Variants in CA5A observed in about 807,000 individuals in gnomAD.
The protein encoded by CA5A is carbonic anhydrase 5A, mitochondrial.
CA5A carries 28 observed loss-of-function variants against 37.1 expected under a neutral mutation model. That is an observed-to-expected ratio of 0.75 (90% CI 0.56 to 1.03). CA5A has a LOEUF of 1.03. Among genes scored for constraint, CA5A ranks in the 50% least tolerant of loss-of-function variants. The probability of loss-of-function intolerance (pLI) is 0.00; values close to 1 mark genes in which losing one functional copy is unlikely to be tolerated. For missense variants in CA5A, 444 were observed against 399.9 expected (o/e 1.11, Z -0.94); for synonymous variants, 171 against 158.4 (o/e 1.08, Z -0.60).
chr16:87,918,883 A>C (rs1483002277), intron 2 of CA5A, among the ~76,000 whole-genome samples: 1 of 152,230 alleles, frequency 6.6e-6, no homozygotes, highest in African/African-American at 2.4e-5. Context: ...GAGAACCTGG[A>C]AAAATGGGCT....
intron 2 of CA5A, among the ~76,000 whole-genome samples, chr16:87,920,994 T>C (rs2056222517): frequency 6.6e-6 from 1 of 151,936 alleles, no homozygotes; most frequent in Non-Finnish European, 1.5e-5. Flanking sequence ...GGTTTCTCCA[T>C]GTTGGTCAGG....
chr16:87,928,568 T>G (rs188982578), intron 1 of CA5A, among the ~76,000 whole-genome samples: 1,538 of 152,238 alleles, frequency 0.01, 21 homozygotes, highest in Non-Finnish European at 0.016. Context: ...GAACTCATTT[T>G]GTGAAAAAAA....
chr16:87,908,793 T>C (rs1291965173), intron 2 of CA5A, among the ~76,000 whole-genome samples: 1 of 151,736 alleles, frequency 6.6e-6, no homozygotes, highest in Non-Finnish European at 1.5e-5. Context: ...TGTCCCAGAA[T>C]TCTTCTTCTC....
rs1239654008 is a variant in CA5A, at chr16:87,932,125, A to AG, written c.142+4183_142+4184insC. ...GGCAGACTCCGTCTAAGAAAAAAAAAAGCCCCTTTGAGGCCTCACAAATCT... is the reference window on the plus strand; with the variant it reads ...GGCAGACTCCGTCTAAGAAAAAAAAAGAGCCCCTTTGAGGCCTCACAAATCT... On this transcript the variant is annotated intron_variant, in intron 1 of 6. Coordinates refer to ENST00000649794, the MANE Select transcript of CA5A (RefSeq NM_001739.2). 3.3e-5 allele frequency among the ~76,000 whole-genome samples: 5 copies of AG among 152,078 alleles called. No homozygotes were observed. In the East Asian group the frequency reaches 7.7e-4, roughly 23 times the overall value.
chr16:87,889,854 G>A (rs72816315), intron 6 of CA5A, among the ~76,000 whole-genome samples: 25,017 of 152,262 alleles, frequency 0.16, 2,278 homozygotes, highest in South Asian at 0.27. Context: ...TATGAACCCT[G>A]TGAGGCAACT....
At chr16:87,925,324 C>T (rs931135358) in intron 2 of CA5A, among the ~76,000 whole-genome samples, 24 of 152,142 alleles carry the variant, frequency 1.6e-4, no homozygotes, top group African/African-American at 5.6e-4. Context: ...CTGGGCTGTC[C>T]GGAGGGCCCC....
At chr16:87,881,687 G>T (rs1446352665) in exon 5 of CA5A, 1 of 152,012 alleles carries the variant, frequency 6.6e-6, no homozygotes, top group Non-Finnish European at 1.5e-5. Context: ...AGCCCTTCCC[G>T]CAGAGCCGCA....
intron 2 of CA5A, among the ~76,000 whole-genome samples, chr16:87,915,159 G>A (rs777817407): frequency 3.9e-5 from 6 of 152,204 alleles, no homozygotes; most frequent in South Asian, 2.1e-4. Flanking sequence ...GCCTTTGATC[G>A]CATTTATCAC....
At chr16:87,912,166 G>A (rs1434093254) in intron 2 of CA5A, among the ~76,000 whole-genome samples, 1 of 152,144 alleles carries the variant, frequency 6.6e-6, no homozygotes, top group Non-Finnish European at 1.5e-5. Flanking sequence ...GCTGGGCGTG[G>A]TGGCACGCGA....
intron 1 of CA5A, 22 bp from the exon 2 acceptor site, chr16:87,926,967 C>T: frequency 6.7e-7 from 1 of 1,492,298 alleles, no homozygotes; most frequent in Non-Finnish European, 9.1e-7. Context: ...GAGACGGAGA[C>T]CCTGAGTGAG....
rs1282432059 is a variant in CA5A at position 87,902,476 on chromosome 16, CT to C, written c.503del (p.Lys168ArgfsTer12). 1 of 1,612,320 alleles carries C rather than the reference CT, an allele frequency of 6.2e-7. No individual in the cohort carries two copies. The highest frequency in any genetic ancestry group is 1.7e-5 in the Admixed American group (1 of 59,974). On this transcript the variant is annotated frameshift_variant, in exon 4 of 7. Coordinates refer to ENST00000649794, the MANE Select transcript of CA5A (RefSeq NM_001739.2). LOFTEE classifies it high-confidence loss of function. ...AACCATTCTCTCCCACGACAGCTTC[CT>C]TGTAATTTTGGTATTTCACAGAATT... ...HWNSVKYQNY[K>X]EAVVGENGLA...
At chr16:87,928,756 C>CTT (rs2056351904) in intron 1 of CA5A, among the ~76,000 whole-genome samples, 2 of 108,150 alleles carry the variant, frequency 1.8e-5, no homozygotes, top group African/African-American at 7.1e-5. Context: ...ATTTTCTTTT[C>CTT]TTTGTTTTTT....
chr16:87,892,529 A>G (rs2055733046), intron 5 of CA5A, among the ~76,000 whole-genome samples: 1 of 102,778 alleles, frequency 9.7e-6, no homozygotes. Context: ...TAATAATAAT[A>G]ATAATAATAA....
intron 2 of CA5A, among the ~76,000 whole-genome samples, 190 bp from the exon 3 acceptor site, chr16:87,905,094 C>G (rs8051832): frequency 0.35 from 52,468 of 151,662 alleles, 10,070 homozygotes; most frequent in African/African-American, 0.53. Context: ...TCTGCCCCCC[C>G]CCAGCCCAGC....
chr16:87,896,703 C>T (rs1267406529), intron 5 of CA5A, among the ~76,000 whole-genome samples: 1 of 152,190 alleles, frequency 6.6e-6, no homozygotes, highest in Admixed American at 6.5e-5. Flanking sequence ...TGCAATGGCA[C>T]GATCTCGGCT....
Position 87,888,020 on chromosome 16 carries a change from A to T in CA5A, c.*109T>A, listed in dbSNP as rs916819253. 16 of 1,467,252 alleles carry T rather than the reference A, an allele frequency of 1.1e-5. No individual in the cohort carries two copies. The East Asian group carries it at 3.2e-4, about 30-fold the overall frequency. The allele number at this position is 1,467,252 out of a possible 1,614,324, so 90.9% of individuals were successfully genotyped here. A position where few individuals can be genotyped will look rare whatever the true frequency, so the allele number is the denominator to read the frequency against. ...GTACTTCGACTAAAACAATAACCTCATGCTCTCTTTTTAATTTCAGAAGTC... is the reference window on the plus strand; with the variant it reads ...GTACTTCGACTAAAACAATAACCTCTTGCTCTCTTTTTAATTTCAGAAGTC... On this transcript the variant is annotated 3_prime_UTR_variant, in exon 7 of 7. Coordinates refer to ENST00000649794, the MANE Select transcript of CA5A (RefSeq NM_001739.2).
chr16:87,934,518 G>C (rs2056446031), intron 1 of CA5A, among the ~76,000 whole-genome samples: 2 of 152,118 alleles, frequency 1.3e-5, no homozygotes, highest in Non-Finnish European at 2.9e-5. Flanking sequence ...CGGTGAGCTG[G>C]AGATCGCACC....
chr16:87,930,888 G>C (rs1447650664), intron 1 of CA5A, among the ~76,000 whole-genome samples: 1 of 151,520 alleles, frequency 6.6e-6, no homozygotes, highest in East Asian at 2.0e-4. Context: ...TTACAGGCAT[G>C]TGCCACCACG....
intron 1 of CA5A, among the ~76,000 whole-genome samples, chr16:87,933,100 G>A (rs2056429992): frequency 6.6e-6 from 1 of 152,162 alleles, no homozygotes; most frequent in Non-Finnish European, 1.5e-5. Flanking sequence ...GTCAGCCCGG[G>A]GGGAGCCAAA....
Sources: allele counts gnomAD v4.1 joint callset (sites outside exome capture counted in the v4.1 genomes callset), GRCh38; gene constraint gnomAD v4.1.1; transcripts MANE v1.5; gene names NCBI Gene and HGNC (gene_info 2026-07-23, HGNC 2026-07-21).